Variants in CA10 observed in about 807,000 individuals in gnomAD.
The protein encoded by CA10 is carbonic anhydrase 10 (inactive), also known as carbonic anhydrase-related protein 10.
In CA10, 14 loss-of-function variants were observed where a neutral mutation model predicts 44.2. The observed-to-expected ratio is 0.32, with a 90% confidence interval of 0.21 to 0.50. CA10 has a LOEUF of 0.50. Ranked by LOEUF, CA10 falls within the 20% of genes least tolerant of loss-of-function variation. The pLI is 0.99. For missense variants in CA10, 350 were observed against 409.7 expected (o/e 0.85, Z 1.26); for synonymous variants, 159 against 141.6 (o/e 1.12, Z -0.87).
At chr17:51,668,236 T>G (rs753371024) in intron 4 of CA10, among the ~76,000 whole-genome samples, 6 of 152,212 alleles carry the variant, frequency 3.9e-5, no homozygotes, top group African/African-American at 9.6e-5. Flanking sequence ...AGTGGTGGCA[T>G]GCATGCCATG....
chr17:51,987,554 G>A (rs1352976571), intron 2 of CA10, among the ~76,000 whole-genome samples: 1 of 151,370 alleles, frequency 6.6e-6, no homozygotes, highest in South Asian at 2.1e-4. Flanking sequence ...ATGTAGAAAA[G>A]ATTTTAAAAA....
intron 2 of CA10, among the ~76,000 whole-genome samples, chr17:52,034,339 A>G (rs924422239): frequency 3.4e-4 from 52 of 152,180 alleles, no homozygotes; most frequent in African/African-American, 1.2e-3. Flanking sequence ...AAATATGTAC[A>G]GCCTATGTCA....
intron 2 of CA10, among the ~76,000 whole-genome samples, chr17:51,988,292 A>G (rs1984917019): frequency 6.6e-6 from 1 of 151,988 alleles, no homozygotes; most frequent in Non-Finnish European, 1.5e-5. Flanking sequence ...TTAAATATGC[A>G]AGTATAGTTG....
At chr17:51,903,928 G>A (rs1344756981) in intron 3 of CA10, among the ~76,000 whole-genome samples, 1 of 152,004 alleles carries the variant, frequency 6.6e-6, no homozygotes, top group African/African-American at 2.4e-5. Context: ...ATGTACCAGG[G>A]TTGCCATATC....
At chr17:51,717,971 T>C (rs1370289655) in intron 4 of CA10, among the ~76,000 whole-genome samples, 1 of 147,044 alleles carries the variant, frequency 6.8e-6, no homozygotes, top group African/African-American at 2.5e-5. Flanking sequence ...AACTCAGGAA[T>C]GGAAAATCAT....
chr17:51,817,737 AT>A (rs1907620795), intron 3 of CA10, among the ~76,000 whole-genome samples: 1 of 152,188 alleles, frequency 6.6e-6, no homozygotes, highest in Non-Finnish European at 1.5e-5. Context: ...TTTGTCCCAT[AT>A]CTTTGCAGTG....
chr17:51,653,887 G>T, intron 4 of CA10, 151 bp from the exon 5 acceptor site: 1 of 613,788 alleles, frequency 1.6e-6, no homozygotes, highest in Non-Finnish European at 2.9e-6. Context: ...AGAGGGATGT[G>T]TGTGCATATG....
At chr17:51,737,283 G>T (rs954984741) in intron 4 of CA10, among the ~76,000 whole-genome samples, 3 of 152,178 alleles carry the variant, frequency 2.0e-5, no homozygotes, top group Non-Finnish European at 4.4e-5. Context: ...AGGACTGGGT[G>T]TGATAAGGCC....
intron 1 of CA10, among the ~76,000 whole-genome samples, chr17:52,083,130 C>T (rs1988026374): frequency 1.3e-5 from 2 of 152,272 alleles, no homozygotes; most frequent in African/African-American, 4.8e-5. Context: ...AAATAAACTA[C>T]TGGTAATTCC....
chr17:51,642,282 T>C (rs1913121024), intron 6 of CA10, among the ~76,000 whole-genome samples: 1 of 152,178 alleles, frequency 6.6e-6, no homozygotes, highest in Non-Finnish European at 1.5e-5. Context: ...CAAGTTCAAT[T>C]AAGCATAGAG....
At chr17:51,642,752 C>G (rs1913143614) in intron 6 of CA10, among the ~76,000 whole-genome samples, 1 of 152,112 alleles carries the variant, frequency 6.6e-6, no homozygotes, top group South Asian at 2.1e-4. Context: ...CAGTGATTGT[C>G]CTGCCTCAGC....
At chr17:52,068,553 C>T (rs1157114973) in intron 2 of CA10, among the ~76,000 whole-genome samples, 3 of 152,244 alleles carry the variant, frequency 2.0e-5, no homozygotes, top group Non-Finnish European at 4.4e-5. Flanking sequence ...GTTCTAACTT[C>T]CTTTCTTCCT....
intron 3 of CA10, among the ~76,000 whole-genome samples, chr17:51,908,896 ACT>A (rs1981674274): frequency 6.6e-6 from 1 of 152,082 alleles, no homozygotes; most frequent in Non-Finnish European, 1.5e-5. Flanking sequence ...AGAGAATCAA[ACT>A]CTGATTATGC....
At chr17:52,152,500 A>G (rs1333440469) in intron 1 of CA10, among the ~76,000 whole-genome samples, 2 of 152,052 alleles carry the variant, frequency 1.3e-5, no homozygotes, top group Non-Finnish European at 2.9e-5. Flanking sequence ...TCCAAAATCA[A>G]TCTAATATAC....
intron 3 of CA10, among the ~76,000 whole-genome samples, chr17:51,854,296 T>C (rs887050086): frequency 5.9e-5 from 9 of 152,110 alleles, no homozygotes; most frequent in African/African-American, 2.2e-4. Context: ...ATTGTTAATG[T>C]TCAGTGAGGT....
chr17:51,954,335 T>C (rs567964036), intron 2 of CA10, among the ~76,000 whole-genome samples: 2 of 152,278 alleles, frequency 1.3e-5, no homozygotes, highest in East Asian at 3.9e-4. Flanking sequence ...TCCCTTGAAA[T>C]GCAAATTTAG....
At chr17:51,896,025 A>T (rs563541852) in intron 3 of CA10, among the ~76,000 whole-genome samples, 36 of 152,194 alleles carry the variant, frequency 2.4e-4, no homozygotes, top group African/African-American at 3.1e-4. Context: ...TTATTTTTTT[A>T]AAAAAATCAA....
At chr17:52,022,737 A>G (rs1363651765) in intron 2 of CA10, among the ~76,000 whole-genome samples, 1 of 152,024 alleles carries the variant, frequency 6.6e-6, no homozygotes, top group Non-Finnish European at 1.5e-5. Flanking sequence ...GGCTCCTAAA[A>G]CTGATAAACA....
chr17:51,697,629 A>T (rs1476750879), intron 4 of CA10, among the ~76,000 whole-genome samples: 2 of 152,176 alleles, frequency 1.3e-5, no homozygotes, highest in African/African-American at 4.8e-5. Flanking sequence ...TCTATCTCCA[A>T]CTGCTAGAAT....
Sources: gnomAD v4.1 joint callset for allele counts (sites outside exome capture counted in the v4.1 genomes callset) on GRCh38, gnomAD v4.1.1 for gene constraint, MANE v1.5 for transcripts, NCBI Gene and HGNC (gene_info 2026-07-23, HGNC 2026-07-21) for gene names.